NSMCE2: variants seen among roughly 807,000 people sequenced by gnomAD.
NSMCE2 encodes the protein E3 SUMO-protein ligase NSE2.
In NSMCE2, 24 loss-of-function variants were observed where a neutral mutation model predicts 23.8. That is an observed-to-expected ratio of 1.01 (90% confidence interval 0.73 to 1.42). The LOEUF (loss-of-function observed/expected upper bound fraction) is 1.42. NSMCE2 is among the 40% of genes most tolerant of loss of function. The probability of loss-of-function intolerance (pLI) is 0.00; values close to 1 mark genes in which losing one functional copy is unlikely to be tolerated. For missense variants in NSMCE2, 284 were observed against 296.5 expected (o/e 0.96, Z 0.31); for synonymous variants, 92 against 94.1 (o/e 0.98, Z 0.13).
At chr8:125,324,545 C>A (rs1321190281) in intron 5 of NSMCE2, among the ~76,000 whole-genome samples, 6 of 141,404 alleles carry the variant, frequency 4.2e-5, no homozygotes, top group Non-Finnish European at 4.6e-5. Flanking sequence ...AAGAGCATAT[C>A]CTATGTGATT....
At chr8:125,219,564 G>C (rs1240209703) in intron 5 of NSMCE2, among the ~76,000 whole-genome samples, 1 of 152,130 alleles carries the variant, frequency 6.6e-6, no homozygotes, top group East Asian at 1.9e-4. Flanking sequence ...TTTCATTCTT[G>C]TGAATTCGCT....
intron 5 of NSMCE2, among the ~76,000 whole-genome samples, chr8:125,204,718 A>G (rs1044706793): frequency 2.6e-5 from 4 of 152,222 alleles, no homozygotes; most frequent in African/African-American, 9.6e-5. Context: ...ATGCCATTCA[A>G]TAAGATACGC....
chr8:125,188,760 A>C (rs551321087), intron 5 of NSMCE2, among the ~76,000 whole-genome samples: 5 of 152,276 alleles, frequency 3.3e-5, no homozygotes, highest in South Asian at 2.1e-4. Flanking sequence ...CTAAGGCCAA[A>C]ATGTGCAGTT....
chr8:125,171,707 G>T lies in NSMCE2; in HGVS notation c.265-10396G>T, dbSNP rs184960555. ...TTTTGTCTGGCTACATCTTAAACTTGCTATAATAATAATAATAACAACAAT... is the reference window on the plus strand; with the variant it reads ...TTTTGTCTGGCTACATCTTAAACTTTCTATAATAATAATAATAACAACAAT... On this transcript the variant is annotated intron_variant, in intron 4 of 7. Coordinates refer to ENST00000287437, the MANE Select transcript of NSMCE2 (RefSeq NM_173685.4). Among the ~76,000 whole-genome samples, 11 of 149,808 alleles carry T rather than the reference G, an allele frequency of 7.3e-5. No homozygotes were observed. In the East Asian group the frequency reaches 1.8e-3, roughly 24 times the overall value.
intron 5 of NSMCE2, among the ~76,000 whole-genome samples, chr8:125,290,317 T>A (rs1282246972): frequency 6.6e-6 from 1 of 151,612 alleles, no homozygotes; most frequent in Admixed American, 6.6e-5. Context: ...CAAAAAAAAA[T>A]TAATAAATAG....
intron 4 of NSMCE2, among the ~76,000 whole-genome samples, chr8:125,180,859 A>G (rs1218649826): frequency 6.6e-6 from 1 of 152,246 alleles, no homozygotes; most frequent in African/African-American, 2.4e-5. Context: ...AGATTAACTT[A>G]TTTGAAATAC....
intron 5 of NSMCE2, 34 bp downstream of exon 5, chr8:125,182,290 TTGAAATTAG>T: frequency 6.4e-7 from 1 of 1,553,094 alleles, no homozygotes; most frequent in Non-Finnish European, 8.8e-7. Flanking sequence ...GTTCGGCTTT[TTGAAATTAG>T]GGAACTGACT....
At chr8:125,343,735 C>T (rs1830331341) in intron 5 of NSMCE2, among the ~76,000 whole-genome samples, 1 of 152,138 alleles carries the variant, frequency 6.6e-6, no homozygotes, top group South Asian at 2.1e-4. Flanking sequence ...GTGGCTTATG[C>T]CTGTAATCCC....
intron 3 of NSMCE2, among the ~76,000 whole-genome samples, chr8:125,120,050 T>A (rs1819193913): frequency 6.6e-6 from 1 of 152,192 alleles, no homozygotes; most frequent in Non-Finnish European, 1.5e-5. Context: ...TAAACAAATA[T>A]GTCTAAAATA....
At chr8:125,191,019 C>A (rs574581468) in intron 5 of NSMCE2, among the ~76,000 whole-genome samples, 1 of 151,972 alleles carries the variant, frequency 6.6e-6, no homozygotes, top group Non-Finnish European at 1.5e-5. Flanking sequence ...TACAGGCACC[C>A]GCCACGCCAC....
chr8:125,334,130 AG>A (rs1829988189), intron 5 of NSMCE2, among the ~76,000 whole-genome samples: 1 of 152,168 alleles, frequency 6.6e-6, no homozygotes, highest in Non-Finnish European at 1.5e-5. Flanking sequence ...AATTAGTTAA[AG>A]GGTGTTCAGT....
chr8:125,329,235 T>C (rs1829786051), intron 5 of NSMCE2, among the ~76,000 whole-genome samples: 1 of 152,160 alleles, frequency 6.6e-6, no homozygotes, highest in South Asian at 2.1e-4. Flanking sequence ...AGTGAGACTT[T>C]AATTAGGATG....
intron 5 of NSMCE2, among the ~76,000 whole-genome samples, chr8:125,325,294 T>TTAAAATAAAATAAAATAAAATAAAA (rs111749670): frequency 7.9e-6 from 1 of 127,188 alleles, no homozygotes; most frequent in African/African-American, 2.5e-5. Flanking sequence ...CCCGTTTCTA[T>TTAAAATAAAATAAAATAAAATAAAA]TAAAATAAAA....
chr8:125,345,107 T>C (rs1371148395), intron 5 of NSMCE2, among the ~76,000 whole-genome samples: 1 of 151,956 alleles, frequency 6.6e-6, no homozygotes, highest in African/African-American at 2.4e-5. Context: ...ACATAGATGG[T>C]TTCTGGCCAG....
intron 5 of NSMCE2, among the ~76,000 whole-genome samples, chr8:125,347,126 T>C (rs1237203483): frequency 6.6e-6 from 1 of 152,176 alleles, no homozygotes; most frequent in Non-Finnish European, 1.5e-5. Flanking sequence ...ATTAACTCAC[T>C]TAATCCTCAG....
At chr8:125,097,432 T>A (rs1817992457) in intron 1 of NSMCE2, among the ~76,000 whole-genome samples, 1 of 152,218 alleles carries the variant, frequency 6.6e-6, no homozygotes, top group Admixed American at 6.5e-5. Context: ...TGTACCTGTA[T>A]GCCAGGCAAA....
chr8:125,191,381 T>C (rs1178235452), intron 5 of NSMCE2, among the ~76,000 whole-genome samples: 2 of 152,222 alleles, frequency 1.3e-5, no homozygotes, highest in East Asian at 3.9e-4. Context: ...TTTCTTTCTC[T>C]CAATTCAAGC....
intron 5 of NSMCE2, among the ~76,000 whole-genome samples, chr8:125,256,774 A>T (rs534208574): frequency 1.3e-5 from 2 of 151,670 alleles, no homozygotes; most frequent in African/African-American, 4.8e-5. Context: ...AAATACAAAA[A>T]ATCAGCTGGG....
intron 1 of NSMCE2, among the ~76,000 whole-genome samples, chr8:125,094,040 G>A (rs901543375): frequency 1.3e-5 from 2 of 151,550 alleles, no homozygotes; most frequent in Non-Finnish European, 2.9e-5. Context: ...CTGGCCTCAA[G>A]CAATCTTCCT....
Sources: allele counts gnomAD v4.1 joint callset (sites outside exome capture counted in the v4.1 genomes callset), GRCh38; gene constraint gnomAD v4.1.1; transcripts MANE v1.5; gene names NCBI Gene and HGNC (gene_info 2026-07-23, HGNC 2026-07-21).